The following PSG9 variants were observed in gnomAD, a reference collection of about 807,000 sequenced individuals.
The protein encoded by PSG9 is pregnancy-specific beta-1-glycoprotein 9.
PSG9 carries 49 observed loss-of-function variants against 41.9 expected under a neutral mutation model. The observed-to-expected ratio is 1.17, with a 90% CI of 0.93 to 1.48. The LOEUF is 1.48. Among genes scored for constraint, PSG9 ranks in the 40% most tolerant of loss-of-function variants. The probability of loss-of-function intolerance (pLI) is 0.00; values close to 1 mark genes in which losing one functional copy is unlikely to be tolerated. For missense variants in PSG9, 641 were observed against 520.3 expected, an observed-to-expected ratio of 1.23 and a Z score of -2.26; for synonymous variants, 263 against 196.8, an observed-to-expected ratio of 1.34 and a Z score of -2.82.
rs781628912 is a variant in PSG9, at chr19:43,262,155, G to C, written c.431-17C>G. 4 of 1,607,952 alleles carry C rather than the reference G, an allele frequency of 2.5e-6. No homozygotes were observed. In the Admixed American group the frequency reaches 6.7e-5, roughly 27 times the overall value. On this transcript the variant is annotated splice_polypyrimidine_tract_variant and intron_variant, in intron 2 of 5. Coordinates refer to ENST00000270077, the MANE Select transcript of PSG9 (RefSeq NM_002784.5). ...GAGTCTCCACTGTGCAGAAAACAGAGAGAAGATTGCCCTGTGTGGCACCTT... is the reference window on the plus strand; with the variant it reads ...GAGTCTCCACTGTGCAGAAAACAGACAGAAGATTGCCCTGTGTGGCACCTT...
intron 5 of PSG9, among the ~76,000 whole-genome samples, chr19:43,254,042 T>C (rs910319010): frequency 6.9e-6 from 1 of 144,780 alleles, no homozygotes; most frequent in Non-Finnish European, 1.5e-5. Context: ...GCCCTTAGCT[T>C]TTTTTTTCTC....
rs748029290 is a variant in PSG9, at chr19:43,258,316, G to A, written c.1129C>T (p.Gln377Ter). The A allele has an allele frequency of 1.3e-6, 2 of 1,592,888 alleles. No individual in the cohort carries two copies. Among genetic ancestry groups the A allele is most frequent in the Non-Finnish European group, 1.7e-6 (2 of 1,174,528 alleles). ...GTAATTTGGGGGATAAAGAGCTTTT[G>A]TCCTGATTGCTGAAACTTCCCATTA... Reference protein sequence around the residue: ...TINGKFQQSGQKLFIPQITRN... With the variant: ...TINGKFQQSG The change falls in exon 5 of 6, where the codon CAA becomes TAA. Residue 377 changes from glutamine (Q) to a stop codon, truncating the protein, a stop_gained. Coordinates refer to ENST00000270077, the MANE Select transcript of PSG9 (RefSeq NM_002784.5). LOFTEE classifies it high-confidence loss of function.
At chr19:43,268,292 A>C (rs1468125654) in intron 1 of PSG9, 143 bp from the exon 2 acceptor site, 4 of 1,309,136 alleles carry the variant, frequency 3.1e-6, no homozygotes, top group Non-Finnish European at 4.2e-6. Flanking sequence ...ACACACAAAA[A>C]ACGGGCATGT....
intron 2 of PSG9, among the ~76,000 whole-genome samples, chr19:43,267,343 G>T (rs867791422): frequency 6.6e-6 from 1 of 152,110 alleles, no homozygotes; most frequent in South Asian, 2.1e-4. Flanking sequence ...CCCAGCACTG[G>T]CACAGGCTCC....
Position 43,264,036 on chromosome 19 carries a change from G to A in PSG9, c.431-1898C>T, listed in dbSNP as rs146249398. On this transcript the variant is annotated intron_variant, in intron 2 of 5. Transcript: ENST00000270077. ...ACACCACTAAAATTTAAGTCTGTGTGAATCAGGAAGATTCTAAGTGAGATG... is the reference window on the plus strand; with the variant it reads ...ACACCACTAAAATTTAAGTCTGTGTAAATCAGGAAGATTCTAAGTGAGATG... Among the ~76,000 whole-genome samples, 762 of 152,220 alleles carry A rather than the reference G, an allele frequency of 5.0e-3. 3 individuals carry two copies. Among genetic ancestry groups the A allele is most frequent in the Non-Finnish European group, 8.1e-3 (554 of 67,998 alleles).
Position 43,261,215 on chromosome 19 carries a change from A to C in PSG9, c.709+645T>G, listed in dbSNP as rs186163746. Among the ~76,000 whole-genome samples the C allele has an allele frequency of 1.0e-3, 159 of 152,256 alleles. 1 individual carries two copies. Among genetic ancestry groups the C allele is most frequent in the Admixed American group, 9.4e-3 (143 of 15,294 alleles). On this transcript the variant is annotated intron_variant, in intron 3 of 5. Coordinates refer to ENST00000270077, the MANE Select transcript of PSG9 (RefSeq NM_002784.5). ...TCCAGGGACCCACTTACCAGGGACT[A>C]TGATCCTCTTGATTATGAGATTTGT...
chr19:43,261,900 C>G lies in PSG9; in HGVS notation c.669G>C (p.Val223=). The change falls in exon 3 of 6, where the codon GTG becomes GTC. Residue 223 remains valine (V), a synonymous_variant. Coordinates refer to ENST00000270077, the MANE Select transcript of PSG9 (RefSeq NM_002784.5). Reference sequence around the variant, plus strand: ...TGACTGGGTCACTGCGACTGGCACTCACTGGGTTCCGTATTTCACATTCAT... The same window carrying G: ...TGACTGGGTCACTGCGACTGGCACTGACTGGGTTCCGTATTTCACATTCAT... ...GPYECEIRNP[V]SASRSDPVTL... 1 of 1,614,074 alleles carries G rather than the reference C, an allele frequency of 6.2e-7. No homozygotes were observed. The highest frequency in any genetic ancestry group is 8.5e-7 in the Non-Finnish European group (1 of 1,179,938).
intron 4 of PSG9, 29 bp downstream of exon 4, chr19:43,258,828 T>G (rs748251485): frequency 1.3e-6 from 2 of 1,583,594 alleles, no homozygotes; most frequent in African/African-American, 2.9e-5. Flanking sequence ...GCTGGTGTCC[T>G]GGCCCACAGA....
chr19:43,261,942 C>T lies in PSG9; in HGVS notation c.627G>A (p.Lys209=), dbSNP rs1350915523. ...NRTLYLFGVT[K]YIAGPYECEI... ...CACATTCATAGGGTCCTGCAATATA[C>T]TTTGTGACACCAAATAGATAGAGGG... Residue 209 remains lysine (K), a synonymous_variant, in exon 3 of 6, where the codon AAG becomes AAA. Coordinates refer to ENST00000270077, the MANE Select transcript of PSG9 (RefSeq NM_002784.5). 1.9e-6 allele frequency: 3 copies of T among 1,614,088 alleles called. No homozygotes were observed. Among genetic ancestry groups the T allele is most frequent in the Admixed American group, 1.7e-5 (1 of 60,024 alleles).
intron 5 of PSG9, chr19:43,257,649 G>A (rs1568410610): frequency 1.9e-6 from 2 of 1,030,464 alleles, no homozygotes; most frequent in Non-Finnish European, 2.3e-6. Context: ...GGCCACCAGG[G>A]CCCTTTCTAC....
chr19:43,264,696 C>A (rs768503420), intron 2 of PSG9, among the ~76,000 whole-genome samples: 7 of 152,212 alleles, frequency 4.6e-5, no homozygotes, highest in Admixed American at 6.5e-5. Flanking sequence ...TGACCTTGTG[C>A]CCGCCTCGGC....
chr19:43,266,644 A>G (rs904915733), intron 2 of PSG9, among the ~76,000 whole-genome samples: 10 of 152,052 alleles, frequency 6.6e-5, no homozygotes, highest in South Asian at 2.1e-4. Flanking sequence ...TAGTTCTGGA[A>G]TACAGACTAA....
In PSG9 at chr19:43,253,651, T is replaced by C. The variant is rs774905119; in HGVS notation, c.1244-5A>G. On this transcript the variant is annotated splice_polypyrimidine_tract_variant and splice_region_variant and intron_variant, in intron 5 of 5. Transcript: ENST00000270077. ...TCAGGTCTCCATGGCAGGGACCTGA[T>C]TGACAGAAGGCCCAGGTCAGTGCAT... 7.5e-6 allele frequency: 9 copies of C among 1,201,816 alleles called. No homozygotes were observed. The highest frequency in any genetic ancestry group is 1.9e-4 in the Middle Eastern group (1 of 5,200). The allele number at this position is 1,201,816 out of a possible 1,614,324, so 74.4% of individuals were successfully genotyped here. A position where few individuals can be genotyped will look rare whatever the true frequency, so the allele number is the denominator to read the frequency against.
chr19:43,254,327 C>G (rs955364210), intron 5 of PSG9, among the ~76,000 whole-genome samples: 2 of 146,498 alleles, frequency 1.4e-5, no homozygotes, highest in Non-Finnish European at 3.0e-5. Flanking sequence ...GATTCTAGGA[C>G]TATTTGACCT....
intron 1 of PSG9, 62 bp from the exon 2 acceptor site, chr19:43,268,211 G>A (rs559062979): frequency 2.8e-5 from 43 of 1,513,456 alleles, no homozygotes; most frequent in South Asian, 4.0e-5. Context: ...AAAAGATGGG[G>A]CCCTGGGTCC....
At chr19:43,269,050 G>A (rs1017207416) in intron 1 of PSG9, among the ~76,000 whole-genome samples, 4 of 151,898 alleles carry the variant, frequency 2.6e-5, no homozygotes, top group Non-Finnish European at 5.9e-5. Context: ...TGTCGCCCAG[G>A]CTGGCGTGCA....
Position 43,259,263 on chromosome 19 carries a change from C to T in PSG9, c.710-128G>A, listed in dbSNP as rs554508178. On this transcript the variant is annotated intron_variant, in intron 3 of 5. Coordinates refer to ENST00000270077, the MANE Select transcript of PSG9 (RefSeq NM_002784.5). ...AGTCCTTGAAAGCCAATAGCTGGTG[C>T]GTGTGTCACAAGACAGATGCATGAT... The T allele has an allele frequency of 7.1e-4, 997 of 1,409,044 alleles. 58 individuals are homozygous for T. Among genetic ancestry groups the T allele is most frequent in the Non-Finnish European group, 6.8e-4 (714 of 1,053,112 alleles). 87.3% of individuals were successfully genotyped at this position (1,409,044 alleles called of 1,614,324 possible). A position where few individuals can be genotyped will look rare whatever the true frequency, so the allele number is the denominator to read the frequency against.
At chr19:43,266,215 C>T (rs543526527) in intron 2 of PSG9, among the ~76,000 whole-genome samples, 1 of 151,906 alleles carries the variant, frequency 6.6e-6, no homozygotes, top group South Asian at 2.1e-4. Context: ...CCCTGAGAAC[C>T]CTCCGGTGGC....
rs2072286 is a variant in PSG9, at chr19:43,258,840, G to T, written c.988+17C>A. The T allele has an allele frequency of 0.03, 48,075 of 1,586,004 alleles. 8,505 individuals carry two copies. Among genetic ancestry groups the T allele is most frequent in the African/African-American group, 0.25 (17,337 of 69,330 alleles). ...TAAGCTGGTGTCCTGGCCCACAGAG[G>T]AACAAAAGATACTCACAGAGGACAT... On this transcript the variant is annotated intron_variant, in intron 4 of 5. Transcript: ENST00000270077.
Sources: gnomAD v4.1 joint callset for allele counts (sites outside exome capture counted in the v4.1 genomes callset) on GRCh38, gnomAD v4.1.1 for gene constraint, MANE v1.5 for transcripts, NCBI Gene and HGNC (gene_info 2026-07-23, HGNC 2026-07-21) for gene names.